Variants in FBXO4 observed in about 807,000 individuals in gnomAD.
The protein encoded by FBXO4 is F-box only protein 4.
In FBXO4, 36 loss-of-function variants were observed where a neutral mutation model predicts 43.7. That is an observed-to-expected ratio of 0.82 (90% CI 0.63 to 1.09). FBXO4 has a LOEUF of 1.09. Among genes scored for constraint, FBXO4 ranks in the 50% least tolerant of loss-of-function variants. The pLI is 0.00. For synonymous variants in FBXO4, 180 were observed against 165.6 expected, an observed-to-expected ratio of 1.09 and a Z score of -0.67; for missense variants, 435 against 474.1, an observed-to-expected ratio of 0.92 and a Z score of 0.77.
chr5:42,005,746 G>T, the FBXO4 span, among the ~76,000 whole-genome samples: 1 of 152,060 alleles, frequency 6.6e-6, no homozygotes, highest in Non-Finnish European at 1.5e-5. Flanking sequence ...CCAGTAGGGG[G>T]CAACTGAGAA....
chr5:41,947,945 T>C, the FBXO4 span, among the ~76,000 whole-genome samples: 1 of 152,132 alleles, frequency 6.6e-6, no homozygotes, highest in Non-Finnish European at 1.5e-5. Context: ...GGCAAGCTAC[T>C]CAATTAAGTT....
the FBXO4 span, among the ~76,000 whole-genome samples, chr5:41,964,271 A>T: frequency 6.6e-6 from 1 of 152,114 alleles, no homozygotes; most frequent in African/African-American, 2.4e-5. Context: ...ATGGTTTGCC[A>T]TTTTATTGCT....
At chr5:41,943,546 C>G (rs1752034936), downstream of FBXO4, among the ~76,000 whole-genome samples, 1 of 152,060 alleles carries the variant, frequency 6.6e-6, no homozygotes, top group African/African-American at 2.4e-5. Context: ...TACTAACGTT[C>G]TAAGAGTTTT....
At chr5:41,983,798 T>C in the FBXO4 span, among the ~76,000 whole-genome samples, 1 of 152,048 alleles carries the variant, frequency 6.6e-6, no homozygotes, top group Non-Finnish European at 1.5e-5. Flanking sequence ...GTCATATGTT[T>C]CTCCAGTATT....
At chr5:41,981,035 A>G in the FBXO4 span, among the ~76,000 whole-genome samples, 14 of 151,956 alleles carry the variant, frequency 9.2e-5, no homozygotes, top group Non-Finnish European at 1.8e-4. Context: ...AGATATATAT[A>G]AGAGCCTTTC....
At chr5:41,986,449 T>C in the FBXO4 span, among the ~76,000 whole-genome samples, 1 of 152,150 alleles carries the variant, frequency 6.6e-6, no homozygotes. Flanking sequence ...GATTGAGTTA[T>C]TTTCAGAGAA....
the FBXO4 span, among the ~76,000 whole-genome samples, chr5:41,969,759 T>C: frequency 6.6e-6 from 1 of 152,124 alleles, no homozygotes; most frequent in Admixed American, 6.5e-5. Context: ...CTTCAGAATG[T>C]AGGTGTCTTT....
At chr5:41,944,885 C>T (rs1429436155), downstream of FBXO4, among the ~76,000 whole-genome samples, 1 of 152,112 alleles carries the variant, frequency 6.6e-6, no homozygotes, top group Non-Finnish European at 1.5e-5. Flanking sequence ...GGACAGGAAA[C>T]GAAAGAAGCA....
chr5:42,010,648 C>CTA, the FBXO4 span, among the ~76,000 whole-genome samples: 1 of 152,102 alleles, frequency 6.6e-6, no homozygotes, highest in South Asian at 2.1e-4. Context: ...AATAATGGTG[C>CTA]TATGAACAAG....
At chr5:41,939,658 A>T in intron 6 of FBXO4, 42 bp downstream of exon 6, 1 of 1,475,870 alleles carries the variant, frequency 6.8e-7, no homozygotes, top group Non-Finnish European at 9.2e-7. Context: ...TTTATTTTGC[A>T]CTCTATTTTC....
At position 41,925,401 on chromosome 5, in the gene FBXO4, G is replaced by A; in HGVS notation, c.92G>A (p.Trp31Ter). Residue 31 changes from tryptophan to a stop codon, truncating the protein, a stop_gained, in exon 1 of 7, where the codon TGG (tryptophan) becomes TAG (stop). Coordinates refer to ENST00000281623, the MANE Select transcript of FBXO4 (RefSeq NM_012176.3). LOFTEE classifies it high-confidence loss of function. Reference sequence around the variant, plus strand: ...CTGGAGGCGGCCATCCTCAGCGGCTGGAAGACCTTCTGGCAGTCAGTGAGC... The same window carrying A: ...CTGGAGGCGGCCATCCTCAGCGGCTAGAAGACCTTCTGGCAGTCAGTGAGC... ...GRLEAAILSG[W>*]KTFWQSVSKE... is the part of the protein sequence containing the mutation. The A allele has an allele frequency of 7.2e-7, 1 of 1,385,164 alleles. No homozygotes were observed. The highest frequency in any genetic ancestry group is 3.7e-5 in the Admixed American group (1 of 26,830). The allele number at this position is 1,385,164 out of a possible 1,614,324, so 85.8% of individuals were successfully genotyped here.
chr5:41,949,537 A>G, the FBXO4 span, among the ~76,000 whole-genome samples: 3 of 152,234 alleles, frequency 2.0e-5, no homozygotes, highest in South Asian at 2.1e-4. Flanking sequence ...AAGGAGAACT[A>G]CAAACCACGG....
chr5:41,959,180 C>T, the FBXO4 span, among the ~76,000 whole-genome samples: 1 of 152,068 alleles, frequency 6.6e-6, no homozygotes, highest in Non-Finnish European at 1.5e-5. Flanking sequence ...ATTAGCCATC[C>T]GTATATCTTC....
the FBXO4 span, among the ~76,000 whole-genome samples, chr5:41,969,907 T>A: frequency 1.3e-5 from 2 of 152,122 alleles, no homozygotes; most frequent in Non-Finnish European, 2.9e-5. Context: ...AATCTTGAGT[T>A]CTATTTTAAA....
chr5:42,031,904 C>T, the FBXO4 span, among the ~76,000 whole-genome samples: 87 of 152,112 alleles, frequency 5.7e-4, no homozygotes, highest in African/African-American at 2.0e-3. Context: ...ATCGTAAGTT[C>T]AGTAACACTG....
chr5:42,034,544 G>A, the FBXO4 span, among the ~76,000 whole-genome samples: 1 of 152,084 alleles, frequency 6.6e-6, no homozygotes, highest in Non-Finnish European at 1.5e-5. Context: ...TTTTGTATAA[G>A]GTGTAAGGAA....
intron 2 of FBXO4, 121 bp downstream of exon 2, chr5:41,927,369 T>C: frequency 1.4e-6 from 1 of 710,060 alleles, no homozygotes; most frequent in South Asian, 2.1e-5. Flanking sequence ...GTCTAATTGT[T>C]CTCGTCAAAA....
chr5:42,014,814 A>C, the FBXO4 span, among the ~76,000 whole-genome samples: 1 of 152,154 alleles, frequency 6.6e-6, no homozygotes, highest in South Asian at 2.1e-4. Flanking sequence ...TCTAAGCTAG[A>C]TGGCATCCAC....
At chr5:42,037,316 C>G in the FBXO4 span, among the ~76,000 whole-genome samples, 1 of 151,976 alleles carries the variant, frequency 6.6e-6, no homozygotes, top group East Asian at 1.9e-4. Context: ...GCTAAGCACT[C>G]CCCGTCCCCC....
Sources: gnomAD v4.1 joint callset for allele counts (sites outside exome capture counted in the v4.1 genomes callset) on GRCh38, gnomAD v4.1.1 for gene constraint, MANE v1.5 for transcripts, NCBI Gene and HGNC (gene_info 2026-07-23, HGNC 2026-07-21) for gene names.